The following GPC3 variants were observed in gnomAD, a reference collection of about 807,000 sequenced individuals.
GPC3 encodes the protein glypican-3.
GPC3 carries 3 observed loss-of-function variants against 34.4 expected under a neutral mutation model. The ratio of observed to expected loss-of-function variants is 0.09; its 90% confidence interval spans 0.04 to 0.23. The LOEUF is 0.23. GPC3 is among the 10% of genes least tolerant of loss of function. The pLI, the probability that GPC3 is intolerant of heterozygous loss-of-function variation, is 1.00. For missense variants in GPC3, 351 were observed against 445.6 expected, an observed-to-expected ratio of 0.79 and a Z score of 1.91; for synonymous variants, 177 against 174.0, an observed-to-expected ratio of 1.02 and a Z score of -0.13.
intron 6 of GPC3, among the ~76,000 whole-genome samples, chrX:133,643,712 C>T (rs753794342): frequency 1.8e-5 from 2 of 111,192 alleles, no homozygotes; most frequent in Non-Finnish European, 3.8e-5. Context: ...TCTTTCTATG[C>T]ACAACTGTGT....
chrX:133,904,459 T>C (rs1271975693), intron 2 of GPC3, among the ~76,000 whole-genome samples: 1 of 112,027 alleles, frequency 8.9e-6, no homozygotes, highest in Non-Finnish European at 1.9e-5. Flanking sequence ...TGGCAGTTAG[T>C]GCTCTGAGAG....
chrX:133,571,815 G>A (rs928810794), intron 7 of GPC3, among the ~76,000 whole-genome samples: 1 of 111,620 alleles, frequency 9.0e-6, no homozygotes, highest in African/African-American at 3.3e-5. Flanking sequence ...TGGTTCTAAA[G>A]GACAGTGGAA....
intron 6 of GPC3, among the ~76,000 whole-genome samples, chrX:133,601,017 C>T (rs1447837429): frequency 9.0e-6 from 1 of 111,632 alleles, no homozygotes; most frequent in Non-Finnish European, 1.9e-5. Context: ...TCCCCATAGA[C>T]ATTCTGTTAA....
intron 2 of GPC3, among the ~76,000 whole-genome samples, chrX:133,803,242 A>G (rs1420865644): frequency 8.9e-6 from 1 of 112,684 alleles, no homozygotes; most frequent in Non-Finnish European, 1.9e-5. Context: ...AAGATATTCT[A>G]AAAGTAAAAT....
At chrX:133,612,279 T>C (rs971603905) in intron 6 of GPC3, among the ~76,000 whole-genome samples, 1 of 112,266 alleles carries the variant, frequency 8.9e-6, no homozygotes, top group African/African-American at 3.2e-5. Flanking sequence ...CATTAAAACA[T>C]TCGCTCCTTT....
chrX:133,820,050 C>A (rs1190062739), intron 2 of GPC3, among the ~76,000 whole-genome samples: 1 of 111,793 alleles, frequency 8.9e-6, no homozygotes, highest in African/African-American at 3.3e-5. Context: ...ACATAGCTAA[C>A]CATAACAGAA....
intron 2 of GPC3, among the ~76,000 whole-genome samples, chrX:133,869,769 C>T (rs1054273024): frequency 6.3e-5 from 7 of 110,613 alleles, no homozygotes; most frequent in Non-Finnish European, 1.1e-4. Context: ...CTGGCTAACA[C>T]GGTGAAACCC....
At chrX:133,673,204 C>G (rs1268006803) in intron 5 of GPC3, among the ~76,000 whole-genome samples, 4 of 112,603 alleles carry the variant, frequency 3.6e-5, no homozygotes, top group African/African-American at 1.3e-4. Context: ...TCCCAAAGTG[C>G]TGGGATTACA....
chrX:133,855,527 C>A (rs1427042371), intron 2 of GPC3, among the ~76,000 whole-genome samples: 4 of 67,338 alleles, frequency 5.9e-5, no homozygotes, highest in African/African-American at 3.4e-4. Context: ...TATGCTGTTA[C>A]AAGATATATA....
intron 7 of GPC3, among the ~76,000 whole-genome samples, chrX:133,563,436 C>T (rs1299878301): frequency 1.8e-5 from 2 of 111,794 alleles, no homozygotes; most frequent in Non-Finnish European, 3.8e-5. Flanking sequence ...GATAGTTATA[C>T]TGAGCTTTTA....
chrX:133,819,221 C>A (rs1257256302), intron 2 of GPC3, among the ~76,000 whole-genome samples: 1 of 93,214 alleles, frequency 1.1e-5, no homozygotes, highest in Admixed American at 1.3e-4. Flanking sequence ...TCAATTCCCA[C>A]CTGTGAGTGA....
Position 133,559,095 on chromosome X carries a change from T to C in GPC3, c.1574-22802A>G, listed in dbSNP as rs111472318. 1.7e-3 allele frequency among the ~76,000 whole-genome samples: 184 copies of C among 110,587 alleles called. 1 individual carries two copies. The highest frequency in any genetic ancestry group is 5.6e-3 in the African/African-American group (172 of 30,453). On this transcript the variant is annotated intron_variant, in intron 7 of 7. Transcript: ENST00000370818. ...CATTTCTTTCTTTCTTTCTTTCTTTTTTTTTCTTTTGAGACAAAATCTCGC... is the reference window on the plus strand; with the variant it reads ...CATTTCTTTCTTTCTTTCTTTCTTTCTTTTTCTTTTGAGACAAAATCTCGC...
chrX:133,933,932 TCA>T (rs1425573314), intron 2 of GPC3, among the ~76,000 whole-genome samples: 1 of 103,770 alleles, frequency 9.6e-6, no homozygotes, highest in Non-Finnish European at 2.0e-5. Flanking sequence ...TGACACGATC[TCA>T]GCTCACTGCA....
At chrX:133,801,353 C>G (rs886287501) in intron 2 of GPC3, among the ~76,000 whole-genome samples, 3 of 111,600 alleles carry the variant, frequency 2.7e-5, no homozygotes, top group Non-Finnish European at 5.7e-5. Flanking sequence ...TAAGCAATGG[C>G]GCTGTTGCTT....
At chrX:133,558,028 C>T (rs377577156) in intron 7 of GPC3, among the ~76,000 whole-genome samples, 3 of 110,853 alleles carry the variant, frequency 2.7e-5, no homozygotes, top group South Asian at 7.6e-4. Flanking sequence ...GAAATCCGGT[C>T]GGACAGCAAT....
chrX:133,542,834 C>T (rs185587070), intron 7 of GPC3, among the ~76,000 whole-genome samples: 1 of 111,912 alleles, frequency 8.9e-6, no homozygotes, highest in East Asian at 2.8e-4. Context: ...CCACAGGAGC[C>T]ACTGGGCTCT....
chrX:133,658,855 A>C (rs2070692495), intron 6 of GPC3, among the ~76,000 whole-genome samples: 1 of 111,299 alleles, frequency 9.0e-6, no homozygotes, highest in African/African-American at 3.3e-5. Flanking sequence ...AGCTGGTTTC[A>C]GCTTTTGTGG....
chrX:133,975,862 C>T (rs1296446642), intron 1 of GPC3, among the ~76,000 whole-genome samples: 2 of 112,201 alleles, frequency 1.8e-5, no homozygotes. Context: ...AAACAGATAA[C>T]TGTGGTCCTC....
chrX:133,892,662 C>G (rs1437219723), intron 2 of GPC3, among the ~76,000 whole-genome samples: 3 of 109,923 alleles, frequency 2.7e-5, no homozygotes, highest in Non-Finnish European at 5.7e-5. Context: ...ACCCTCAAGT[C>G]ACTCCACACC....
Sources: gnomAD v4.1 joint callset for allele counts (sites outside exome capture counted in the v4.1 genomes callset) on GRCh38, gnomAD v4.1.1 for gene constraint, MANE v1.5 for transcripts, NCBI Gene and HGNC (gene_info 2026-07-23, HGNC 2026-07-21) for gene names.